The following CSRNP3 variants were observed in gnomAD, a reference collection of about 807,000 sequenced individuals.
CSRNP3 encodes cysteine and serine rich nuclear protein 3, also known as cysteine/serine-rich nuclear protein 3.
CSRNP3 carries 12 observed loss-of-function variants against 48.0 expected under a neutral mutation model. The observed-to-expected ratio is 0.25, with a 90% CI of 0.16 to 0.41. The LOEUF (loss-of-function observed/expected upper bound fraction) is 0.41. Ranked by LOEUF, CSRNP3 falls within the 10% of genes least tolerant of loss-of-function variation. CSRNP3 has a pLI of 1.00. For missense variants in CSRNP3, 580 were observed against 724.4 expected, an observed-to-expected ratio of 0.80 and a Z score of 2.29; for synonymous variants, 263 against 269.7, an observed-to-expected ratio of 0.98 and a Z score of 0.24.
intron 4 of CSRNP3, among the ~76,000 whole-genome samples, chr2:165,608,482 G>T (rs1686067939): frequency 6.6e-6 from 1 of 152,114 alleles, no homozygotes; most frequent in Non-Finnish European, 1.5e-5. Context: ...AGAGCTGGAA[G>T]GAATGATTTA....
intron 4 of CSRNP3, among the ~76,000 whole-genome samples, chr2:165,617,320 T>C (rs192397065): frequency 1.3e-5 from 2 of 152,324 alleles, no homozygotes; most frequent in East Asian, 3.9e-4. Context: ...ATGGAAAGAA[T>C]TTTTCTTGTA....
intron 1 of CSRNP3, among the ~76,000 whole-genome samples, chr2:165,480,407 G>C (rs1277353646): frequency 6.6e-6 from 1 of 152,152 alleles, no homozygotes; most frequent in Non-Finnish European, 1.5e-5. Context: ...CGGGCACAGG[G>C]TGTACACATT....
intron 3 of CSRNP3, 103 bp downstream of exon 3, chr2:165,518,064 T>A (rs1213605616): frequency 2.0e-5 from 3 of 152,330 alleles, no homozygotes; most frequent in African/African-American, 7.2e-5. Context: ...TGGTCTTACT[T>A]AAAATATGTG....
At chr2:165,568,680 A>C (rs963019617) in intron 3 of CSRNP3, among the ~76,000 whole-genome samples, 2 of 152,202 alleles carry the variant, frequency 1.3e-5, no homozygotes, top group East Asian at 1.9e-4. Flanking sequence ...TCTACTGGTT[A>C]AGCAAATCAC....
At chr2:165,477,652 G>C (rs1278756152) in intron 1 of CSRNP3, among the ~76,000 whole-genome samples, 1 of 144,664 alleles carries the variant, frequency 6.9e-6, no homozygotes, top group African/African-American at 2.6e-5. Flanking sequence ...CTGGGCGACA[G>C]AGCCAGACTC....
intron 3 of CSRNP3, among the ~76,000 whole-genome samples, chr2:165,567,408 A>G (rs891770016): frequency 6.6e-6 from 1 of 152,130 alleles, no homozygotes; most frequent in East Asian, 1.9e-4. Context: ...GTCACTTTGT[A>G]TAAAGACTTC....
Position 165,528,142 on chromosome 2 carries a change from T to TGA in CSRNP3, c.-24+10183_-24+10184dup, listed in dbSNP as rs1392063622. Among the ~76,000 whole-genome samples the TGA allele has an allele frequency of 2.0e-5, 3 of 152,212 alleles. 1 individual carries two copies. In the East Asian group the frequency reaches 5.8e-4, roughly 29 times the overall value. ...AGTCATATACTGTTGATAGAAATGT[T>TGA]GAGTCCTTTGCCTATCTTTTAATCA... On this transcript the variant is annotated intron_variant, in intron 3 of 6. Transcript: ENST00000651982.
intron 1 of CSRNP3, among the ~76,000 whole-genome samples, chr2:165,480,548 T>C (rs185958231): frequency 1.7e-4 from 26 of 152,000 alleles, no homozygotes; most frequent in Non-Finnish European, 2.6e-4. Flanking sequence ...AGCTGACAAA[T>C]TCATAAACAG....
At chr2:165,525,025 C>T (rs1271119679) in intron 3 of CSRNP3, among the ~76,000 whole-genome samples, 1 of 152,166 alleles carries the variant, frequency 6.6e-6, no homozygotes, top group African/African-American at 2.4e-5. Flanking sequence ...AATGACAAAC[C>T]ATCCTAAATT....
At chr2:165,594,614 G>C (rs1488175972) in intron 3 of CSRNP3, among the ~76,000 whole-genome samples, 1 of 152,070 alleles carries the variant, frequency 6.6e-6, no homozygotes, top group Non-Finnish European at 1.5e-5. Context: ...CAGCTAATTG[G>C]GTTTCTTGAA....
intron 2 of CSRNP3, among the ~76,000 whole-genome samples, chr2:165,505,989 C>T (rs1482071763): frequency 3.3e-5 from 5 of 152,056 alleles, no homozygotes; most frequent in East Asian, 1.9e-4. Flanking sequence ...CTCATGTAAT[C>T]GAGATAGTCA....
intron 3 of CSRNP3, among the ~76,000 whole-genome samples, chr2:165,529,267 G>C (rs985402268): frequency 2.0e-5 from 3 of 152,160 alleles, no homozygotes. Flanking sequence ...ATGTGGTTTG[G>C]CTGTGTCTCC....
chr2:165,502,275 A>G (rs1558918334), intron 2 of CSRNP3, among the ~76,000 whole-genome samples: 2 of 152,020 alleles, frequency 1.3e-5, no homozygotes, highest in South Asian at 2.1e-4. Context: ...AATTTCATCA[A>G]TGTTTATAAA....
At chr2:165,581,024 C>CACTTTTTAAAACTG (rs1553476660) in intron 3 of CSRNP3, among the ~76,000 whole-genome samples, 2 of 152,134 alleles carry the variant, frequency 1.3e-5, no homozygotes, top group African/African-American at 2.4e-5. Flanking sequence ...ACACTAGGCA[C>CACTTTTTAAAACTG]TTGATCAAAT....
chr2:165,577,729 G>A (rs529021272), intron 3 of CSRNP3, among the ~76,000 whole-genome samples: 2 of 151,498 alleles, frequency 1.3e-5, no homozygotes, highest in East Asian at 3.9e-4. Flanking sequence ...TTTTTTAAAT[G>A]TTAATATGTA....
At chr2:165,556,558 C>T (rs941390632) in intron 3 of CSRNP3, among the ~76,000 whole-genome samples, 1 of 151,884 alleles carries the variant, frequency 6.6e-6, no homozygotes, top group Non-Finnish European at 1.5e-5. Flanking sequence ...TGAAGAGGGA[C>T]CTGCATGGCA....
intron 3 of CSRNP3, among the ~76,000 whole-genome samples, chr2:165,524,666 T>C (rs771109569): frequency 6.6e-6 from 1 of 152,186 alleles, no homozygotes; most frequent in Non-Finnish European, 1.5e-5. Context: ...TTTTGCCTTT[T>C]CTAGAATGTC....
At chr2:165,599,387 G>C (rs995261879) in intron 4 of CSRNP3, among the ~76,000 whole-genome samples, 2 of 151,804 alleles carry the variant, frequency 1.3e-5, no homozygotes, top group African/African-American at 2.4e-5. Flanking sequence ...TTGTTTGTTT[G>C]TTTTGAGACA....
At position 165,680,089 on chromosome 2, in the gene CSRNP3, G is replaced by A. The variant is rs1687508596; in HGVS notation, c.*336G>A. The A allele has an allele frequency of 4.6e-6, 1 of 218,832 alleles. No individual in the cohort carries two copies. The highest frequency in any genetic ancestry group is 2.3e-5 in the African/African-American group (1 of 43,890). The allele number at this position is 218,832 out of a possible 1,614,324, so 13.6% of individuals were successfully genotyped here. ...ATTTTGGATTATCGGGCCTGTGCAA[G>A]ATTGTTAACTAAGGCTGGGAAATAA... On this transcript the variant is annotated 3_prime_UTR_variant, in exon 7 of 7. Transcript: ENST00000651982.
Sources: gnomAD v4.1 joint callset for allele counts (sites outside exome capture counted in the v4.1 genomes callset) on GRCh38, gnomAD v4.1.1 for gene constraint, MANE v1.5 for transcripts, NCBI Gene and HGNC (gene_info 2026-07-23, HGNC 2026-07-21) for gene names.